The following CCDC171 variants were observed in gnomAD, a reference collection of about 807,000 sequenced individuals.
CCDC171 encodes the protein coiled-coil domain-containing protein 171.
A neutral mutation model predicts 168.2 loss-of-function variants in CCDC171; 177 were observed. The ratio of observed to expected loss-of-function variants is 1.05; its 90% confidence interval spans 0.93 to 1.19. The LOEUF is 1.19. Ranked by LOEUF, CCDC171 falls within the 50% of genes most tolerant of loss-of-function variation. CCDC171 has a pLI of 0.00. For synonymous variants in CCDC171, 687 were observed against 540.8 expected, an observed-to-expected ratio of 1.27 and a Z score of -3.75; for missense variants, 1,991 against 1,539.0, an observed-to-expected ratio of 1.29 and a Z score of -4.91.
intron 7 of CCDC171, among the ~76,000 whole-genome samples, chr9:15,647,859 T>C (rs2047176638): frequency 1.3e-5 from 2 of 152,020 alleles, no homozygotes; most frequent in African/African-American, 4.8e-5. Flanking sequence ...ACTATTCCAA[T>C]CAATAGAAAA....
At chr9:15,904,020 A>G (rs1346811167) in intron 24 of CCDC171, among the ~76,000 whole-genome samples, 1 of 152,216 alleles carries the variant, frequency 6.6e-6, no homozygotes, top group African/African-American at 2.4e-5. Flanking sequence ...GAAATATGGG[A>G]CTATGTGAAA....
intron 21 of CCDC171, among the ~76,000 whole-genome samples, chr9:15,804,356 T>C (rs549341349): frequency 6.6e-6 from 1 of 152,274 alleles, no homozygotes; most frequent in Middle Eastern, 3.4e-3. Flanking sequence ...CTGTATGATA[T>C]TGGCTGTGTT....
At chr9:15,920,945 T>C (rs565073442) in intron 25 of CCDC171, among the ~76,000 whole-genome samples, 47 of 146,280 alleles carry the variant, frequency 3.2e-4, no homozygotes, top group African/African-American at 1.1e-3. Flanking sequence ...ATGATGAAGT[T>C]TGGGCTCACT....
chr9:15,909,053 C>T (rs1823202564), intron 24 of CCDC171, among the ~76,000 whole-genome samples: 1 of 152,112 alleles, frequency 6.6e-6, no homozygotes, highest in Non-Finnish European at 1.5e-5. Flanking sequence ...ATCAGAAGTA[C>T]GACTCCAATT....
At chr9:15,569,708 G>A (rs916861374) in intron 2 of CCDC171, among the ~76,000 whole-genome samples, 1 of 151,550 alleles carries the variant, frequency 6.6e-6, no homozygotes, top group African/African-American at 2.4e-5. Context: ...CCAGCTGCTC[G>A]GGAGGCTGAG....
intron 1 of CCDC171, among the ~76,000 whole-genome samples, chr9:15,559,622 G>C (rs1250055026): frequency 6.6e-6 from 1 of 152,034 alleles, no homozygotes; most frequent in Non-Finnish European, 1.5e-5. Context: ...AAGCCTATGT[G>C]TGTCTCTGCA....
At position 15,777,771 on chromosome 9, in the gene CCDC171, A is replaced by G. The variant is rs1011751252; in HGVS notation, c.2843A>G (p.His948Arg). Reference protein sequence around the residue: ...SLVQRLAHGLHKVNTLALKYG... With the variant: ...SLVQRLAHGLRKVNTLALKYG... ...GTTCAGAGGCTGGCCCATGGACTTC[A>G]TAAAGTAAACACACTGGCCCTGAAA... Residue 948 changes from histidine to arginine, a missense_variant, in exon 19 of 26, where the codon CAT becomes CGT. Coordinates refer to ENST00000380701, the MANE Select transcript of CCDC171 (RefSeq NM_173550.4). 1.9e-6 allele frequency: 3 copies of G among 1,613,944 alleles called. No individual in the cohort carries two copies. The South Asian group carries it at 3.3e-5, about 18-fold the overall frequency.
chr9:15,796,421 C>T (rs920976591), intron 21 of CCDC171, among the ~76,000 whole-genome samples: 3 of 151,652 alleles, frequency 2.0e-5, no homozygotes. Context: ...GACAGAATAA[C>T]GAAGACAAAA....
At chr9:16,070,178 C>T in the CCDC171 span, among the ~76,000 whole-genome samples, 19 of 152,140 alleles carry the variant, frequency 1.2e-4, no homozygotes, top group Non-Finnish European at 2.1e-4. Flanking sequence ...GATGTCTTGG[C>T]GCACTGGGGA....
chr9:15,701,124 G>A (rs1588042608), intron 11 of CCDC171, among the ~76,000 whole-genome samples: 1 of 152,144 alleles, frequency 6.6e-6, no homozygotes, highest in Admixed American at 6.5e-5. Flanking sequence ...TGAGTTCCTT[G>A]TGTATTCTGG....
intron 21 of CCDC171, among the ~76,000 whole-genome samples, chr9:15,832,190 A>G (rs1165496401): frequency 1.3e-5 from 2 of 152,242 alleles, no homozygotes; most frequent in Non-Finnish European, 2.9e-5. Flanking sequence ...GAAATGCCAA[A>G]TAAATCTACA....
chr9:15,571,822 A>T, intron 3 of CCDC171, 63 bp downstream of exon 3: 5 of 1,444,436 alleles, frequency 3.5e-6, no homozygotes, highest in Non-Finnish European at 4.7e-6. Context: ...GATTTATTTC[A>T]TATGAAAAAC....
At chr9:15,563,363 C>G (rs149323682) in intron 1 of CCDC171, among the ~76,000 whole-genome samples, 1 of 152,004 alleles carries the variant, frequency 6.6e-6, no homozygotes, top group Non-Finnish European at 1.5e-5. Flanking sequence ...GTTTAGAACT[C>G]CCGACCTCAG....
chr9:15,934,850 G>C (rs1376476035), intron 25 of CCDC171, among the ~76,000 whole-genome samples: 1 of 152,050 alleles, frequency 6.6e-6, no homozygotes, highest in East Asian at 1.9e-4. Context: ...ACTGATACGT[G>C]TTACAACATG....
intron 21 of CCDC171, among the ~76,000 whole-genome samples, chr9:15,814,915 T>C (rs181536373): frequency 6.6e-6 from 1 of 152,352 alleles, no homozygotes; most frequent in African/African-American, 2.4e-5. Context: ...GGTGAGATTT[T>C]GATATGACAA....
chr9:15,562,085 C>T (rs572449354), intron 1 of CCDC171, among the ~76,000 whole-genome samples: 1 of 152,188 alleles, frequency 6.6e-6, no homozygotes, highest in Admixed American at 6.5e-5. Context: ...GTCTCCACCT[C>T]CTGGGTTCAA....
chr9:15,890,377 A>C (rs1348261475), intron 24 of CCDC171, among the ~76,000 whole-genome samples: 1 of 152,282 alleles, frequency 6.6e-6, no homozygotes, highest in Middle Eastern at 3.4e-3. Context: ...TTATGTGGCT[A>C]CAAATTCCTT....
intron 15 of CCDC171, 128 bp downstream of exon 15, chr9:15,728,164 A>G (rs1213986013): frequency 4.3e-6 from 3 of 698,968 alleles, no homozygotes; most frequent in South Asian, 4.6e-5. Context: ...ATTCAATACC[A>G]TTAATTATGG....
intron 4 of CCDC171, among the ~76,000 whole-genome samples, chr9:15,581,546 G>A (rs2131285073): frequency 6.6e-6 from 1 of 152,264 alleles, no homozygotes; most frequent in South Asian, 2.1e-4. Flanking sequence ...CAAGAATACA[G>A]TAACCAAAAC....
Sources: gnomAD v4.1 joint callset for allele counts (sites outside exome capture counted in the v4.1 genomes callset) on GRCh38, gnomAD v4.1.1 for gene constraint, MANE v1.5 for transcripts, NCBI Gene and HGNC (gene_info 2026-07-23, HGNC 2026-07-21) for gene names.